Variants in PLXNA4 observed in about 807,000 individuals in gnomAD.
The protein encoded by PLXNA4 is plexin-A4.
PLXNA4 carries 44 observed loss-of-function variants against 191.8 expected under a neutral mutation model. The observed-to-expected ratio is 0.23, with a 90% confidence interval of 0.18 to 0.29. PLXNA4 has a LOEUF of 0.29. Ranked by LOEUF, PLXNA4 falls within the 10% of genes least tolerant of loss-of-function variation. The probability of loss-of-function intolerance (pLI) is 1.00; values close to 1 mark genes in which losing one functional copy is unlikely to be tolerated. For synonymous variants in PLXNA4, 1,082 were observed against 1,009.5 expected, an observed-to-expected ratio of 1.07 and a Z score of -1.36; for missense variants, 1,800 against 2,488.8, an observed-to-expected ratio of 0.72 and a Z score of 5.89.
intron 1 of PLXNA4, among the ~76,000 whole-genome samples, chr7:132,575,298 G>A (rs1355962220): frequency 6.6e-6 from 1 of 152,150 alleles, no homozygotes; most frequent in Non-Finnish European, 1.5e-5. Context: ...AAATGCTTTC[G>A]GGAAATAGGA....
chr7:132,297,141 A>G (rs1801116182), intron 4 of PLXNA4, among the ~76,000 whole-genome samples: 1 of 152,098 alleles, frequency 6.6e-6, no homozygotes, highest in South Asian at 2.1e-4. Flanking sequence ...GGTCCTCCAG[A>G]GAGTTCAGGC....
intron 2 of PLXNA4, among the ~76,000 whole-genome samples, chr7:132,585,815 G>T (rs1402392645): frequency 2.0e-5 from 3 of 152,134 alleles, no homozygotes; most frequent in Admixed American, 6.5e-5. Context: ...TCCATCATGG[G>T]TGGGGGCTCT....
At chr7:132,562,834 CCTCCTTCTCTT>C (rs1801302621) in intron 1 of PLXNA4, among the ~76,000 whole-genome samples, 1 of 108,838 alleles carries the variant, frequency 9.2e-6, no homozygotes, top group Non-Finnish European at 1.9e-5. Context: ...TCCTTCTCCT[CCTCCTTCTCTT>C]CCTTTCTCCT....
At chr7:132,525,184 A>G (rs76524025) in intron 1 of PLXNA4, among the ~76,000 whole-genome samples, 5,768 of 152,214 alleles carry the variant, frequency 0.038, 277 homozygotes, top group African/African-American at 0.11. Flanking sequence ...CTTTGTGTCT[A>G]GCTGCTTTCA....
At chr7:132,227,952 C>T (rs575567623) in intron 6 of PLXNA4, among the ~76,000 whole-genome samples, 1 of 152,166 alleles carries the variant, frequency 6.6e-6, no homozygotes, top group South Asian at 2.1e-4. Context: ...AAAATAGAAA[C>T]ACCAACCACC....
chr7:132,308,823 A>C (rs1160796166), intron 3 of PLXNA4, among the ~76,000 whole-genome samples: 1 of 152,208 alleles, frequency 6.6e-6, no homozygotes, highest in Non-Finnish European at 1.5e-5. Flanking sequence ...AATGATTACT[A>C]TTCAAATGAA....
At chr7:132,227,653 A>C in intron 6 of PLXNA4, 49 bp from the exon 7 acceptor site, 1 of 1,611,798 alleles carries the variant, frequency 6.2e-7, no homozygotes, top group Non-Finnish European at 8.5e-7. Context: ...GAAATGGGAA[A>C]AGGACAGGTA....
chr7:132,593,176 A>G (rs1802634276), intron 2 of PLXNA4, among the ~76,000 whole-genome samples: 1 of 152,226 alleles, frequency 6.6e-6, no homozygotes, highest in African/African-American at 2.4e-5. Flanking sequence ...CCAGTGGGGA[A>G]GCTGTTTACC....
At chr7:132,198,378 T>TC in intron 13 of PLXNA4, 107 bp downstream of exon 13, 1 of 1,458,154 alleles carries the variant, frequency 6.9e-7, no homozygotes, top group East Asian at 2.3e-5. Flanking sequence ...TTCTCCTTTT[T>TC]CCCCCACAAC....
chr7:132,429,186 G>A (rs1181104629), intron 3 of PLXNA4, among the ~76,000 whole-genome samples: 8 of 152,164 alleles, frequency 5.3e-5, no homozygotes, highest in South Asian at 2.1e-4. Flanking sequence ...AAAAGGTCTT[G>A]CCCCAAGCCA....
chr7:132,379,354 C>T (rs1360170756), intron 3 of PLXNA4, among the ~76,000 whole-genome samples: 3 of 151,300 alleles, frequency 2.0e-5, no homozygotes, highest in African/African-American at 7.2e-5. Flanking sequence ...GAGCCTACCA[C>T]GCAAGGGAGA....
intron 3 of PLXNA4, among the ~76,000 whole-genome samples, chr7:132,362,629 C>T (rs1462434566): frequency 6.6e-6 from 1 of 152,094 alleles, no homozygotes; most frequent in East Asian, 1.9e-4. Flanking sequence ...CTGATGTCTG[C>T]CATAAGGGTT....
At chr7:132,616,609 A>T (rs1803160707) in intron 2 of PLXNA4, among the ~76,000 whole-genome samples, 1 of 152,214 alleles carries the variant, frequency 6.6e-6, no homozygotes, top group Non-Finnish European at 1.5e-5. Flanking sequence ...CATGTCTAAC[A>T]TTATTTATAC....
chr7:132,161,532 A>C (rs2116635883), intron 24 of PLXNA4, among the ~76,000 whole-genome samples: 1 of 152,278 alleles, frequency 6.6e-6, no homozygotes, highest in South Asian at 2.1e-4. Flanking sequence ...TGAGATACAA[A>C]ATCTGATCTA....
At chr7:132,607,165 A>G (rs1320322590) in intron 2 of PLXNA4, among the ~76,000 whole-genome samples, 1 of 152,244 alleles carries the variant, frequency 6.6e-6, no homozygotes, top group Non-Finnish European at 1.5e-5. Flanking sequence ...ATCCACAGTT[A>G]ACCAAAAAAC....
At chr7:132,552,484 A>G (rs1800606522) in intron 1 of PLXNA4, among the ~76,000 whole-genome samples, 1 of 152,168 alleles carries the variant, frequency 6.6e-6, no homozygotes, top group African/African-American at 2.4e-5. Context: ...AAGGGCCTGG[A>G]TTCTCTACAG....
At chr7:132,185,129 G>C (rs575431969) in intron 16 of PLXNA4, among the ~76,000 whole-genome samples, 170 bp downstream of exon 16, 2 of 152,278 alleles carry the variant, frequency 1.3e-5, no homozygotes, top group East Asian at 3.9e-4. Flanking sequence ...GCTCTCAGTG[G>C]AAGGAGGGAG....
intron 2 of PLXNA4, among the ~76,000 whole-genome samples, chr7:132,618,504 A>G (rs1375989301): frequency 6.6e-6 from 1 of 152,230 alleles, no homozygotes; most frequent in African/African-American, 2.4e-5. Flanking sequence ...GTGAAAAGAT[A>G]ATTGTAATTA....
intron 3 of PLXNA4, among the ~76,000 whole-genome samples, chr7:132,314,307 C>T (rs998650275): frequency 1.3e-5 from 2 of 152,206 alleles, no homozygotes; most frequent in African/African-American, 4.8e-5. Flanking sequence ...GAAATACCTA[C>T]CATTATTTAA....
Sources: gnomAD v4.1 joint callset for allele counts (sites outside exome capture counted in the v4.1 genomes callset) on GRCh38, gnomAD v4.1.1 for gene constraint, MANE v1.5 for transcripts, NCBI Gene and HGNC (gene_info 2026-07-23, HGNC 2026-07-21) for gene names.